Variants in CACNA1C observed in about 807,000 individuals in gnomAD.
CACNA1C encodes calcium voltage-gated channel subunit alpha1 C.
CACNA1C carries 30 observed loss-of-function variants against 229.0 expected under a neutral mutation model. The observed-to-expected ratio is 0.13, with a 90% CI of 0.10 to 0.18. The LOEUF is 0.18. CACNA1C is among the 10% of genes least tolerant of loss of function. The pLI, the probability that CACNA1C is intolerant of heterozygous loss-of-function variation, is 1.00. For synonymous variants in CACNA1C, 1,114 were observed against 1,132.5 expected (o/e 0.98, Z 0.33); for missense variants, 1,658 against 2,845.0 (o/e 0.58, Z 9.49).
At chr12:2,451,187 C>G (rs2099365669) in intron 4 of CACNA1C, among the ~76,000 whole-genome samples, 1 of 152,228 alleles carries the variant, frequency 6.6e-6, no homozygotes, top group Non-Finnish European at 1.5e-5. Flanking sequence ...AGAGATTTTG[C>G]TGCTTCTGCT....
intron 5 of CACNA1C, among the ~76,000 whole-genome samples, chr12:2,459,155 GTT>G (rs1211880748): frequency 7.0e-5 from 8 of 114,126 alleles, no homozygotes; most frequent in Non-Finnish European, 1.4e-4. Context: ...GCTAATTTTT[GTT>G]TTTTTGTGTG....
chr12:2,681,398 C>T (rs554307682), intron 42 of CACNA1C, among the ~76,000 whole-genome samples: 1 of 152,342 alleles, frequency 6.6e-6, no homozygotes, highest in East Asian at 1.9e-4. Context: ...CACAGGGCAT[C>T]AAGCTTCAGC....
chr12:2,473,178 C>G (rs2099602098), intron 5 of CACNA1C, among the ~76,000 whole-genome samples: 1 of 152,222 alleles, frequency 6.6e-6, no homozygotes, highest in Non-Finnish European at 1.5e-5. Context: ...TTTCTGCTGT[C>G]AACCCTAAAC....
At chr12:2,351,168 A>T (rs529119472) in intron 3 of CACNA1C, among the ~76,000 whole-genome samples, 9 of 152,148 alleles carry the variant, frequency 5.9e-5, no homozygotes, top group Non-Finnish European at 1.0e-4. Context: ...GCATGGTAGG[A>T]TGTTTAGCAG....
rs558342411 is a variant in CACNA1C at position 2,212,411 on chromosome 12, A to G, written c.477+91981A>G. Among the ~76,000 whole-genome samples the G allele has an allele frequency of 3.9e-5, 6 of 152,358 alleles. No individual in the cohort carries two copies. In the East Asian group the frequency reaches 7.7e-4, roughly 20 times the overall value. On this transcript the variant is annotated intron_variant, in intron 3 of 46. Coordinates refer to ENST00000399655, the MANE Select transcript of CACNA1C (RefSeq NM_000719.7). ...CAATTTTACTTTAGAGAGATCATGC[A>G]GGTTCTGTGTTTGAGGAAATCTTAC... is the stretch of plus-strand genomic sequence containing the variant.
chr12:2,316,471 G>T (rs768037034), intron 3 of CACNA1C, among the ~76,000 whole-genome samples: 1 of 152,244 alleles, frequency 6.6e-6, no homozygotes, highest in Non-Finnish European at 1.5e-5. Context: ...GGCCAGACAT[G>T]CCTTCAGGTA....
chr12:2,104,202 A>G (rs752945557), intron 1 of CACNA1C, among the ~76,000 whole-genome samples: 11 of 152,334 alleles, frequency 7.2e-5, no homozygotes, highest in South Asian at 2.1e-4. Context: ...CTTCCTATCT[A>G]TGAGCATGGA....
intron 38 of CACNA1C, among the ~76,000 whole-genome samples, chr12:2,673,916 A>G (rs1300101069): frequency 6.6e-6 from 1 of 152,182 alleles, no homozygotes; most frequent in African/African-American, 2.4e-5. Flanking sequence ...TACCCTGATG[A>G]GGAGCATCTT....
At position 2,585,224 on chromosome 12, in the gene CACNA1C, C is replaced by T. The variant is rs1041329054; in HGVS notation, c.2340-152C>T. Among the ~76,000 whole-genome samples, 2 of 152,206 alleles carry T rather than the reference C, an allele frequency of 1.3e-5. No individual in the cohort carries two copies. The highest frequency in any genetic ancestry group is 2.9e-5 in the Non-Finnish European group (2 of 68,042). On this transcript the variant is annotated intron_variant, in intron 16 of 46. Coordinates refer to ENST00000399655, the MANE Select transcript of CACNA1C (RefSeq NM_000719.7). The surrounding 1 kb of genome is among the most constrained non-coding windows in gnomAD (Gnocchi z 4.1). ...CCATAGCACTTGTGACTGAGCTGCACACGAGAAGCGTCCTGGAGAAAGGAA... is the reference window on the plus strand; with the variant it reads ...CCATAGCACTTGTGACTGAGCTGCATACGAGAAGCGTCCTGGAGAAAGGAA...
chr12:2,320,734 G>A (rs114116446), intron 3 of CACNA1C, among the ~76,000 whole-genome samples: 4,197 of 152,238 alleles, frequency 0.028, 130 homozygotes, highest in African/African-American at 0.068. Flanking sequence ...CCCAAAACAC[G>A]GCTTCCCTCA....
intron 3 of CACNA1C, among the ~76,000 whole-genome samples, chr12:2,188,892 A>C (rs1598499198): frequency 6.6e-6 from 1 of 152,020 alleles, no homozygotes; most frequent in Non-Finnish European, 1.5e-5. Context: ...GGAGATCAAG[A>C]CCATCCTGGC....
At chr12:2,500,737 G>A (rs1412214558) in intron 7 of CACNA1C, among the ~76,000 whole-genome samples, 3 of 152,172 alleles carry the variant, frequency 2.0e-5, no homozygotes, top group East Asian at 1.9e-4. Flanking sequence ...CTTTGGGGTC[G>A]AACAGAACAG....
In CACNA1C at chr12:2,631,273, TCTC is replaced by T. The variant is rs1210686609; in HGVS notation, c.3829-3013_3829-3011del. On this transcript the variant is annotated intron_variant, in intron 29 of 46. Coordinates refer to ENST00000399655, the MANE Select transcript of CACNA1C (RefSeq NM_000719.7). ...GCACTGACACTCACACCTTCCTCTC[TCTC>T]CTCCTCCTCCCACACCGAAATAATG... Among the ~76,000 whole-genome samples, 5 of 152,086 alleles carry T rather than the reference TCTC, an allele frequency of 3.3e-5. No individual in the cohort carries two copies. In the East Asian group the frequency reaches 5.8e-4, roughly 18 times the overall value.
chr12:2,068,786 G>A (rs890608662), intron 1 of CACNA1C, among the ~76,000 whole-genome samples: 1 of 152,194 alleles, frequency 6.6e-6, no homozygotes. Flanking sequence ...GCAGAGTTTG[G>A]CCTTATTCTG....
intron 1 of CACNA1C, among the ~76,000 whole-genome samples, chr12:2,109,321 A>C (rs1295255971): frequency 1.3e-5 from 2 of 152,268 alleles, no homozygotes; most frequent in Admixed American, 1.3e-4. Context: ...CTAGTGTTTG[A>C]GTTCTGCTTG....
intron 1 of CACNA1C, among the ~76,000 whole-genome samples, chr12:2,080,053 G>A (rs1209568594): frequency 6.6e-6 from 1 of 152,158 alleles, no homozygotes; most frequent in Non-Finnish European, 1.5e-5. Context: ...TTGAGGCCAG[G>A]AGTTCAAGAC....
chr12:2,548,045 A>G (rs764676939), intron 9 of CACNA1C, among the ~76,000 whole-genome samples: 1 of 152,158 alleles, frequency 6.6e-6, no homozygotes, highest in Admixed American at 6.5e-5. Context: ...TCTGGAGGGT[A>G]GAGAGCTAAA....
At chr12:2,155,835 G>T (rs1597518810) in intron 3 of CACNA1C, among the ~76,000 whole-genome samples, 2 of 152,180 alleles carry the variant, frequency 1.3e-5, no homozygotes, top group South Asian at 4.1e-4. Context: ...GTTTAATTAT[G>T]CTCCGTGCTT....
At chr12:2,362,100 A>C (rs10774039) in intron 3 of CACNA1C, among the ~76,000 whole-genome samples, 1 of 152,134 alleles carries the variant, frequency 6.6e-6, no homozygotes, top group Non-Finnish European at 1.5e-5. Flanking sequence ...GTGCTTAAAA[A>C]TAGTGGCTCT....
Sources: allele counts gnomAD v4.1 joint callset (sites outside exome capture counted in the v4.1 genomes callset), GRCh38; gene constraint gnomAD v4.1.1; non-coding constraint Gnocchi (gnomAD v3.1); transcripts MANE v1.5; gene names NCBI Gene and HGNC (gene_info 2026-07-23, HGNC 2026-07-21).